Variants in NEMP2 observed in about 807,000 individuals in gnomAD.
NEMP2 encodes the protein nuclear envelope integral membrane protein 2, also known as UPF0571 transmembrane protein.
In NEMP2, 53 loss-of-function variants were observed where a neutral mutation model predicts 54.2. The ratio of observed to expected loss-of-function variants is 0.98; its 90% CI spans 0.78 to 1.23. NEMP2 has a LOEUF of 1.23. Ranked by LOEUF, NEMP2 falls within the 50% of genes most tolerant of loss-of-function variation. NEMP2 has a pLI of 0.00. For missense variants in NEMP2, 455 were observed against 511.3 expected (o/e 0.89, Z 1.06); for synonymous variants, 197 against 190.3 (o/e 1.04, Z -0.29).
chr2:190,497,614 A>G, the NEMP2 span: 1 of 1,614,038 alleles, frequency 6.2e-7, no homozygotes, highest in African/African-American at 1.3e-5. This position sits in a 1 kb window ranked among gnomAD's most constrained non-coding sequence, Gnocchi z 5.2. Context: ...CAGCCTGGGG[A>G]GTCAGCTCTT....
chr2:190,465,564 TTTGA>T, the NEMP2 span, among the ~76,000 whole-genome samples: 1 of 152,172 alleles, frequency 6.6e-6, no homozygotes, highest in Non-Finnish European at 1.5e-5. This position sits in a 1 kb window ranked among gnomAD's most constrained non-coding sequence, Gnocchi z 4.6. Context: ...TAAAAAAGAA[TTTGA>T]TTGTCTAGAA....
the NEMP2 span, among the ~76,000 whole-genome samples, chr2:190,469,072 C>T: frequency 2.6e-5 from 4 of 151,888 alleles, no homozygotes; most frequent in Admixed American, 1.3e-4. This position sits in a 1 kb window ranked among gnomAD's most constrained non-coding sequence, Gnocchi z 5.3. Context: ...CTTTTGGCAG[C>T]GGTAATGGTG....
At chr2:190,555,421 T>A in the NEMP2 span, among the ~76,000 whole-genome samples, 1 of 151,756 alleles carries the variant, frequency 6.6e-6, no homozygotes, top group African/African-American at 2.4e-5. The surrounding 1 kb of genome is among the most constrained non-coding windows in gnomAD (Gnocchi z 4.8). Context: ...CGAATAGCCT[T>A]GAAAAAAGGT....
the NEMP2 span, among the ~76,000 whole-genome samples, chr2:190,595,666 C>T: frequency 1.5e-3 from 230 of 152,276 alleles, 1 homozygote; most frequent in African/African-American, 5.3e-3. This position sits in a 1 kb window ranked among gnomAD's most constrained non-coding sequence, Gnocchi z 4.0. Context: ...CATCACTGGT[C>T]ATTAGAGAAA....
the NEMP2 span, among the ~76,000 whole-genome samples, chr2:190,546,795 A>G: frequency 1.3e-5 from 2 of 152,236 alleles, no homozygotes; most frequent in African/African-American, 2.4e-5. This position sits in a 1 kb window ranked among gnomAD's most constrained non-coding sequence, Gnocchi z 5.1. Context: ...AACAAAATGT[A>G]TAACTAAAAG....
chr2:190,631,868 C>A, the NEMP2 span, among the ~76,000 whole-genome samples: 2 of 152,018 alleles, frequency 1.3e-5, no homozygotes, highest in African/African-American at 4.8e-5. Flanking sequence ...CCAGCCTGGG[C>A]AACATGACAA....
At chr2:190,532,472 C>T (rs1051311829) in intron 1 of NEMP2, among the ~76,000 whole-genome samples, 2 of 152,204 alleles carry the variant, frequency 1.3e-5, no homozygotes, top group Non-Finnish European at 2.9e-5. Context: ...CAGGACAACA[C>T]ATGGTTTCTA....
upstream of NEMP2, among the ~76,000 whole-genome samples, chr2:190,536,505 G>A (rs1021390492): frequency 2.6e-5 from 4 of 152,228 alleles, no homozygotes; most frequent in Admixed American, 6.5e-5. Flanking sequence ...ATGGGAAAGT[G>A]TCAGGAATAC....
chr2:190,586,625 C>G, the NEMP2 span, among the ~76,000 whole-genome samples: 1 of 152,140 alleles, frequency 6.6e-6, no homozygotes, highest in African/African-American at 2.4e-5. The surrounding 1 kb of genome is among the most constrained non-coding windows in gnomAD (Gnocchi z 4.5). Context: ...TTTCTTCCTT[C>G]TACTATAGTA....
At chr2:190,459,484 G>A in the NEMP2 span, among the ~76,000 whole-genome samples, 1 of 152,310 alleles carries the variant, frequency 6.6e-6, no homozygotes, top group Non-Finnish European at 1.5e-5. The surrounding 1 kb of genome is among the most constrained non-coding windows in gnomAD (Gnocchi z 5.3). Flanking sequence ...GGGGGTGTGT[G>A]TGTGAATATG....
chr2:190,461,778 T>C, the NEMP2 span, among the ~76,000 whole-genome samples: 2 of 152,224 alleles, frequency 1.3e-5, no homozygotes, highest in Admixed American at 1.3e-4. The surrounding 1 kb of genome is among the most constrained non-coding windows in gnomAD (Gnocchi z 5.5). Flanking sequence ...TTTCAACATA[T>C]GAATTTTGGA....
At chr2:190,554,320 T>C in the NEMP2 span, among the ~76,000 whole-genome samples, 1 of 152,094 alleles carries the variant, frequency 6.6e-6, no homozygotes, top group African/African-American at 2.4e-5. This position sits in a 1 kb window ranked among gnomAD's most constrained non-coding sequence, Gnocchi z 5.7. Flanking sequence ...TTGACTCCCC[T>C]GGAAAGGAGA....
the NEMP2 span, among the ~76,000 whole-genome samples, chr2:190,570,191 T>C: frequency 6.6e-6 from 1 of 152,234 alleles, no homozygotes; most frequent in African/African-American, 2.4e-5. This position sits in a 1 kb window ranked among gnomAD's most constrained non-coding sequence, Gnocchi z 5.4. Flanking sequence ...TAAGGACTGA[T>C]AGTCTGATAG....
the NEMP2 span, among the ~76,000 whole-genome samples, chr2:190,491,464 A>C: frequency 6.6e-6 from 1 of 152,186 alleles, no homozygotes; most frequent in African/African-American, 2.4e-5. The surrounding 1 kb of genome is among the most constrained non-coding windows in gnomAD (Gnocchi z 4.2). Context: ...GAGAGACCTA[A>C]AGATGGTTCA....
the NEMP2 span, chr2:190,627,978 C>G: frequency 1.3e-5 from 2 of 152,450 alleles, no homozygotes; most frequent in Admixed American, 1.3e-4. The surrounding 1 kb of genome is among the most constrained non-coding windows in gnomAD (Gnocchi z 4.4). Flanking sequence ...CCTCCTCCCG[C>G]GCCTACCGCG....
chr2:190,434,762 CATCTT>C, the NEMP2 span, among the ~76,000 whole-genome samples: 2 of 152,150 alleles, frequency 1.3e-5, no homozygotes, highest in African/African-American at 4.8e-5. This position sits in a 1 kb window ranked among gnomAD's most constrained non-coding sequence, Gnocchi z 4.3. Flanking sequence ...AGTTTACTGG[CATCTT>C]ATCTAAAATG....
the NEMP2 span, chr2:190,489,718 C>T: frequency 6.6e-7 from 1 of 1,524,566 alleles, no homozygotes; most frequent in Non-Finnish European, 9.0e-7. This position sits in a 1 kb window ranked among gnomAD's most constrained non-coding sequence, Gnocchi z 6.6. Context: ...TAGATGAGCG[C>T]TATCTGCATT....
At chr2:190,561,355 G>T in the NEMP2 span, among the ~76,000 whole-genome samples, 67 of 152,274 alleles carry the variant, frequency 4.4e-4, no homozygotes, top group Middle Eastern at 0.01. The surrounding 1 kb of genome is among the most constrained non-coding windows in gnomAD (Gnocchi z 5.4). Context: ...CTCGAGCAAG[G>T]GTGGCTTAAA....
chr2:190,626,364 T>C, the NEMP2 span: 1 of 152,094 alleles, frequency 6.6e-6, no homozygotes, highest in East Asian at 1.9e-4. This position sits in a 1 kb window ranked among gnomAD's most constrained non-coding sequence, Gnocchi z 4.5. Flanking sequence ...AATTTAAAAG[T>C]TAAAATGAAT....
Sources: allele counts gnomAD v4.1 joint callset (sites outside exome capture counted in the v4.1 genomes callset), GRCh38; gene constraint gnomAD v4.1.1; non-coding constraint Gnocchi (gnomAD v3.1); transcripts MANE v1.5; gene names NCBI Gene and HGNC (gene_info 2026-07-23, HGNC 2026-07-21).